Variants in HMCN1 observed in about 807,000 individuals in gnomAD.
HMCN1 encodes the protein hemicentin 1, also known as hemicentin-1.
A neutral mutation model predicts 625.9 loss-of-function variants in HMCN1; 321 were observed. The observed-to-expected ratio is 0.51, with a 90% CI of 0.47 to 0.56. The LOEUF (loss-of-function observed/expected upper bound fraction) is 0.56. Among genes scored for constraint, HMCN1 ranks in the 20% least tolerant of loss-of-function variants. The pLI is 0.00. For synonymous variants in HMCN1, 2,425 were observed against 2,417.6 expected (o/e 1.00, Z -0.09); for missense variants, 6,588 against 6,887.3 (o/e 0.96, Z 1.54).
At chr1:185,777,279 T>TTTC in intron 1 of HMCN1, among the ~76,000 whole-genome samples, 1 of 152,162 alleles carries the variant, frequency 6.6e-6, no homozygotes, top group African/African-American at 2.4e-5. Flanking sequence ...TGCAGAACAT[T>TTTC]TTATCTTCTT....
chr1:186,074,528 C>T (rs896450129), intron 52 of HMCN1, among the ~76,000 whole-genome samples: 11 of 144,680 alleles, frequency 7.6e-5, no homozygotes, highest in African/African-American at 3.2e-4. Flanking sequence ...TAAACTGTAA[C>T]AGCAGCAATT....
chr1:185,741,886 A>G (rs1470790112), intron 1 of HMCN1, among the ~76,000 whole-genome samples: 1 of 152,202 alleles, frequency 6.6e-6, no homozygotes, highest in Non-Finnish European at 1.5e-5. Flanking sequence ...GTGTCCAACT[A>G]CTGGAACAGT....
At chr1:185,984,101 C>T (rs1651843825) in intron 18 of HMCN1, 68 bp from the exon 19 acceptor site, 9 of 1,280,116 alleles carry the variant, frequency 7.0e-6, no homozygotes, top group African/African-American at 3.0e-5. Flanking sequence ...AAAGAAAAAG[C>T]AGGTTCATTT....
intron 1 of HMCN1, among the ~76,000 whole-genome samples, chr1:185,786,706 A>C (rs890333201): frequency 4.6e-5 from 7 of 152,244 alleles, no homozygotes; most frequent in Non-Finnish European, 8.8e-5. Flanking sequence ...ACATTTCCAG[A>C]TATAAAGCCA....
chr1:185,757,415 G>A (rs535623903), intron 1 of HMCN1, among the ~76,000 whole-genome samples: 1 of 152,146 alleles, frequency 6.6e-6, no homozygotes, highest in Admixed American at 6.5e-5. Flanking sequence ...GTTATATGCA[G>A]CTCATTCTCC....
chr1:185,930,977 T>C (rs1290145864), intron 10 of HMCN1, among the ~76,000 whole-genome samples: 1 of 151,430 alleles, frequency 6.6e-6, no homozygotes, highest in Non-Finnish European at 1.5e-5. Flanking sequence ...GGTAAAATTC[T>C]GAAGAGCGAA....
intron 1 of HMCN1, among the ~76,000 whole-genome samples, chr1:185,789,087 G>C (rs1657819356): frequency 6.6e-6 from 1 of 152,126 alleles, no homozygotes; most frequent in African/African-American, 2.4e-5. Context: ...TTCACATGTA[G>C]TATTTGTCAC....
intron 1 of HMCN1, among the ~76,000 whole-genome samples, chr1:185,765,355 A>G (rs16824455): frequency 6.6e-6 from 1 of 152,142 alleles, no homozygotes; most frequent in Non-Finnish European, 1.5e-5. Context: ...AAAGGAAGTT[A>G]GTAGTGGGAA....
chr1:186,002,154 G>A (rs1258178233), intron 28 of HMCN1, among the ~76,000 whole-genome samples: 1 of 152,044 alleles, frequency 6.6e-6, no homozygotes, highest in East Asian at 1.9e-4. Flanking sequence ...AACTGGAAAA[G>A]GTAGTAAATC....
intron 42 of HMCN1, among the ~76,000 whole-genome samples, 192 bp downstream of exon 42, chr1:186,049,031 T>C (rs1656771246): frequency 6.6e-6 from 1 of 152,096 alleles, no homozygotes; most frequent in Admixed American, 6.6e-5. Flanking sequence ...AGATGAACTT[T>C]CTTGTAACTT....
intron 97 of HMCN1, among the ~76,000 whole-genome samples, chr1:186,156,261 G>A (rs961705784): frequency 1.3e-5 from 2 of 151,966 alleles, no homozygotes; most frequent in South Asian, 2.1e-4. Flanking sequence ...AAATGAGAAG[G>A]TAAAATATGC....
intron 104 of HMCN1, among the ~76,000 whole-genome samples, chr1:186,181,648 A>G (rs1352549168): frequency 6.6e-6 from 1 of 152,192 alleles, no homozygotes; most frequent in African/African-American, 2.4e-5. Context: ...TCACAAAAAT[A>G]AAAAACATTT....
intron 45 of HMCN1, among the ~76,000 whole-genome samples, chr1:186,056,227 T>G (rs1657310691): frequency 6.6e-6 from 1 of 151,998 alleles, no homozygotes; most frequent in Non-Finnish European, 1.5e-5. Context: ...ACACAAATCT[T>G]GTAATTTCAA....
Position 186,166,739 on chromosome 1 carries a change from A to G in HMCN1, c.15440-69A>G, listed in dbSNP as rs928437734. ...GTCCTTCACTGCTTTTTGTATCCCTATTTCACCGCAGGTTCTTGGGCTGGG... is the reference window on the plus strand; with the variant it reads ...GTCCTTCACTGCTTTTTGTATCCCTGTTTCACCGCAGGTTCTTGGGCTGGG... On this transcript the variant is annotated intron_variant, in intron 99 of 106. Coordinates refer to ENST00000271588, the MANE Select transcript of HMCN1 (RefSeq NM_031935.3). 5 of 1,609,664 alleles carry G rather than the reference A, an allele frequency of 3.1e-6. 1 individual carries two copies. Among genetic ancestry groups the G allele is most frequent in the South Asian group, 2.2e-5 (2 of 90,842 alleles).
chr1:185,794,537 C>T (rs965884295), intron 1 of HMCN1, among the ~76,000 whole-genome samples: 5 of 149,214 alleles, frequency 3.4e-5, no homozygotes, highest in African/African-American at 1.2e-4. Context: ...TGTTCAAGGG[C>T]AGGAAGCATC....
chr1:186,103,559 G>T lies in HMCN1; in HGVS notation c.10661G>T (p.Gly3554Val), dbSNP rs79568371. ...NPLELTCIAS[G>V]IPAPKMTWMK... Reference sequence around the variant, plus strand: ...CTTGAACTTACCTGCATTGCTTCTGGAATCCCAGCCCCTAAAATGACCTGG... The same window carrying T: ...CTTGAACTTACCTGCATTGCTTCTGTAATCCCAGCCCCTAAAATGACCTGG... Residue 3554 changes from glycine to valine, a missense_variant, in exon 69 of 107, where the codon GGA becomes GTA. Physicochemically the swap from Gly to Val is moderately radical, Grantham distance 109. Around this residue, in one of 3 missense-constraint regions of HMCN1, gnomAD observed 4,628 missense variants for 4,853.1 expected, o/e 0.95. Transcript: ENST00000271588. 3.1e-4 allele frequency: 504 copies of T among 1,613,808 alleles called. No individual in the cohort carries two copies. Among genetic ancestry groups the T allele is most frequent in the Non-Finnish European group, 2.2e-4 (255 of 1,179,832 alleles).
intron 14 of HMCN1, among the ~76,000 whole-genome samples, chr1:185,968,387 T>A (rs1258987374): frequency 2.0e-5 from 3 of 151,934 alleles, no homozygotes; most frequent in South Asian, 4.1e-4. Flanking sequence ...AATACAATTT[T>A]AAAAATATAA....
chr1:185,971,897 A>ATG lies in HMCN1; in HGVS notation c.2371+1405_2371+1406dup, dbSNP rs1650860104. 2.0e-5 allele frequency among the ~76,000 whole-genome samples: 3 copies of ATG among 152,170 alleles called. No individual in the cohort carries two copies. The South Asian group carries it at 6.2e-4, about 32-fold the overall frequency. On this transcript the variant is annotated intron_variant, in intron 15 of 106. Coordinates refer to ENST00000271588, the MANE Select transcript of HMCN1 (RefSeq NM_031935.3). ...GGACACTGTAACACGTGTTTGAACC[A>ATG]TGACTAAACTCTGTGGTTATTAAGA...
At chr1:186,074,040 G>T (rs960933310) in intron 52 of HMCN1, among the ~76,000 whole-genome samples, 4 of 151,986 alleles carry the variant, frequency 2.6e-5, no homozygotes, top group Non-Finnish European at 5.9e-5. Flanking sequence ...AGAGTTATGA[G>T]AAGAGTATCA....
Sources: gnomAD v4.1 joint callset for allele counts (sites outside exome capture counted in the v4.1 genomes callset) on GRCh38, gnomAD v4.1.1 for gene constraint, gnomAD v4.1.1 regional missense constraint, MANE v1.5 for transcripts, NCBI Gene and HGNC (gene_info 2026-07-23, HGNC 2026-07-21) for gene names.